The following HECW1 variants were observed in gnomAD, a reference collection of about 807,000 sequenced individuals.
HECW1 encodes the protein E3 ubiquitin-protein ligase HECW1.
Under a neutral mutation model 182.3 loss-of-function variants are expected in HECW1, and 61 were observed. That is an observed-to-expected ratio of 0.33 (90% CI 0.27 to 0.41). The LOEUF is 0.41. Ranked by LOEUF, HECW1 falls within the 10% of genes least tolerant of loss-of-function variation. The pLI, the probability that HECW1 is intolerant of heterozygous loss-of-function variation, is 1.00. For synonymous variants in HECW1, 859 were observed against 832.6 expected, an observed-to-expected ratio of 1.03 and a Z score of -0.55; for missense variants, 1,739 against 2,108.9, an observed-to-expected ratio of 0.82 and a Z score of 3.44.
intron 2 of HECW1, among the ~76,000 whole-genome samples, chr7:43,232,141 C>A (rs1797939920): frequency 6.6e-6 from 1 of 151,524 alleles, no homozygotes; most frequent in African/African-American, 2.4e-5. Context: ...AAGAAACCAG[C>A]AAATACAAAA....
At position 43,492,586 on chromosome 7, in the gene HECW1, C is replaced by T. The variant is rs544205525; in HGVS notation, c.3340+406C>T. Reference sequence around the variant, plus strand: ...TAAAGTTTGCAGTGTCCATTCCTAACTTCAGCCACCTCTTTCCAAAACATA... The same window carrying T: ...TAAAGTTTGCAGTGTCCATTCCTAATTTCAGCCACCTCTTTCCAAAACATA... On this transcript the variant is annotated intron_variant, in intron 18 of 29. Transcript: ENST00000395891. Among the ~76,000 whole-genome samples the T allele has an allele frequency of 7.9e-5, 12 of 152,350 alleles. 1 individual carries two copies. In the South Asian group the frequency reaches 2.3e-3, roughly 29 times the overall value.
At position 43,562,152 on chromosome 7, in the gene HECW1, A is replaced by G. The variant is rs565741288; in HGVS notation, c.*226A>G. On this transcript the variant is annotated 3_prime_UTR_variant, in exon 30 of 30. Transcript: ENST00000395891. ...TGTTTTCAATGAACTGCTAGCCTGT[A>G]TGCAATATTAAAAAACAGCTGTCTC... 37 of 477,616 alleles carry G rather than the reference A, an allele frequency of 7.7e-5. No individual in the cohort carries two copies. The highest frequency in any genetic ancestry group is 6.8e-4 in the African/African-American group (35 of 51,130). The allele number at this position is 477,616 out of a possible 1,614,324, so 29.6% of individuals were successfully genotyped here.
At chr7:43,377,578 G>C (rs982901282) in intron 6 of HECW1, among the ~76,000 whole-genome samples, 1 of 152,112 alleles carries the variant, frequency 6.6e-6, no homozygotes, top group African/African-American at 2.4e-5. Context: ...CCGGTGGGCT[G>C]TTTCCTGAAA....
chr7:43,239,357 T>C (rs959252902), intron 2 of HECW1: 14 of 152,260 alleles, frequency 9.2e-5, no homozygotes, highest in African/African-American at 3.4e-4. Context: ...GGGTGTCTAG[T>C]GTGACATTTC....
chr7:43,226,204 C>T (rs1234288991), intron 2 of HECW1, among the ~76,000 whole-genome samples: 1 of 152,146 alleles, frequency 6.6e-6, no homozygotes, highest in Non-Finnish European at 1.5e-5. Flanking sequence ...AATTTAGGTT[C>T]GGAACATCGG....
chr7:43,198,504 C>T (rs1216965264), intron 2 of HECW1, among the ~76,000 whole-genome samples: 1 of 151,178 alleles, frequency 6.6e-6, no homozygotes. Context: ...CACTCAAACA[C>T]CATAGTCACA....
intron 29 of HECW1, among the ~76,000 whole-genome samples, chr7:43,561,042 G>T (rs191143185): frequency 6.6e-6 from 1 of 152,216 alleles, no homozygotes; most frequent in Non-Finnish European, 1.5e-5. Context: ...GTGATTCAAG[G>T]CTCCACAGCA....
At position 43,312,012 on chromosome 7, in the gene HECW1, T is replaced by TC; in HGVS notation, c.278dup (p.Gln94SerfsTer25). On this transcript the variant is annotated frameshift_variant, in exon 4 of 30. Coordinates refer to ENST00000395891, the MANE Select transcript of HECW1 (RefSeq NM_015052.5). LOFTEE classifies it high-confidence loss of function. ...CAGCTCCTACTATTCCATCGGGCAC[T>TC]CTCAGGACCTGGTCATCCACTGGGA... The TC allele has an allele frequency of 6.2e-7, 1 of 1,614,212 alleles. No individual in the cohort carries two copies. The highest frequency in any genetic ancestry group is 8.5e-7 in the Non-Finnish European group (1 of 1,180,040).
intron 6 of HECW1, among the ~76,000 whole-genome samples, chr7:43,368,399 G>A (rs190026280): frequency 7.9e-5 from 12 of 152,298 alleles, no homozygotes; most frequent in Admixed American, 7.8e-4. Context: ...CCAGAATATA[G>A]TGGCAGCTTA....
At chr7:43,439,369 C>G (rs763409872) in intron 9 of HECW1, 1 of 152,180 alleles carries the variant, frequency 6.6e-6, no homozygotes, top group Non-Finnish European at 1.5e-5. Context: ...CAGACTCACA[C>G]CTGTGTCTCT....
At chr7:43,257,850 GAA>G (rs1800746150) in intron 3 of HECW1, among the ~76,000 whole-genome samples, 1 of 96,012 alleles carries the variant, frequency 1.0e-5, no homozygotes, top group Non-Finnish European at 2.7e-5. Context: ...TTAGAAATAA[GAA>G]GAAGAATAGT....
At chr7:43,126,898 G>A (rs1293154400) in intron 2 of HECW1, among the ~76,000 whole-genome samples, 1 of 152,162 alleles carries the variant, frequency 6.6e-6, no homozygotes, top group Non-Finnish European at 1.5e-5. Flanking sequence ...ACTGTGGTGT[G>A]TGTTCTGACT....
chr7:43,222,993 T>C (rs781201281), intron 2 of HECW1, among the ~76,000 whole-genome samples: 2 of 152,206 alleles, frequency 1.3e-5, no homozygotes, highest in Non-Finnish European at 2.9e-5. Context: ...TAAGAAGCAT[T>C]TCAAACAGAA....
intron 29 of HECW1, among the ~76,000 whole-genome samples, chr7:43,558,015 G>A (rs1004452033): frequency 6.6e-6 from 1 of 152,224 alleles, no homozygotes; most frequent in African/African-American, 2.4e-5. Flanking sequence ...TTGACAGCAG[G>A]GAGTGTGAAG....
chr7:43,326,392 G>A (rs1386451392), intron 5 of HECW1, among the ~76,000 whole-genome samples: 1 of 152,234 alleles, frequency 6.6e-6, no homozygotes, highest in Non-Finnish European at 1.5e-5. Context: ...GAGGCAGCAT[G>A]ATGGCCACGG....
chr7:43,407,069 T>G (rs67718388), intron 7 of HECW1, among the ~76,000 whole-genome samples: 5,379 of 152,206 alleles, frequency 0.035, 268 homozygotes, highest in African/African-American at 0.11. Context: ...TGGTCAGATA[T>G]CTTCAATTAA....
chr7:43,402,153 G>A (rs1182572325), intron 7 of HECW1, among the ~76,000 whole-genome samples: 1 of 152,118 alleles, frequency 6.6e-6, no homozygotes, highest in Non-Finnish European at 1.5e-5. Flanking sequence ...TCAGGTCGGT[G>A]TGTGATCTGA....
At chr7:43,226,997 G>C (rs1797491576) in intron 2 of HECW1, among the ~76,000 whole-genome samples, 1 of 152,160 alleles carries the variant, frequency 6.6e-6, no homozygotes, top group Non-Finnish European at 1.5e-5. Context: ...GACCATGGTT[G>C]CCATTATTTT....
Position 43,562,658 on chromosome 7 carries a change from T to C in HECW1, c.*732T>C, listed in dbSNP as rs2082239927. ...GATTGTGGGCTCAACTCAAGAGAAGTTTAGGAGGGGGAGCATCCCTAGTGA... is the reference window on the plus strand; with the variant it reads ...GATTGTGGGCTCAACTCAAGAGAAGCTTAGGAGGGGGAGCATCCCTAGTGA... On this transcript the variant is annotated 3_prime_UTR_variant, in exon 30 of 30. Coordinates refer to ENST00000395891, the MANE Select transcript of HECW1 (RefSeq NM_015052.5). The C allele has an allele frequency of 4.4e-6, 1 of 225,618 alleles. No homozygotes were observed. The highest frequency in any genetic ancestry group is 8.8e-6 in the Non-Finnish European group (1 of 113,092). The allele number at this position is 225,618 out of a possible 1,614,324, so 14.0% of individuals were successfully genotyped here.
Sources: allele counts gnomAD v4.1 joint callset (sites outside exome capture counted in the v4.1 genomes callset), GRCh38; gene constraint gnomAD v4.1.1; transcripts MANE v1.5; gene names NCBI Gene and HGNC (gene_info 2026-07-23, HGNC 2026-07-21).